The following DIAPH3 variants were observed in gnomAD, a reference collection of about 807,000 sequenced individuals.
The protein encoded by DIAPH3 is protein diaphanous homolog 3.
Under a neutral mutation model 144.3 loss-of-function variants are expected in DIAPH3, and 117 were observed. The ratio of observed to expected loss-of-function variants is 0.81; its 90% CI spans 0.70 to 0.95. DIAPH3 has a LOEUF of 0.95. DIAPH3 is among the 40% of genes least tolerant of loss of function. The pLI, the probability that DIAPH3 is intolerant of heterozygous loss-of-function variation, is 0.00. For synonymous variants in DIAPH3, 519 were observed against 488.9 expected (o/e 1.06, Z -0.81); for missense variants, 1,421 against 1,412.7 (o/e 1.01, Z -0.09).
At chr13:60,107,627 C>T (rs553017961) in intron 3 of DIAPH3, among the ~76,000 whole-genome samples, 22 of 152,274 alleles carry the variant, frequency 1.4e-4, no homozygotes, top group Non-Finnish European at 2.2e-4. Flanking sequence ...CCAGGACATA[C>T]TTCAAACATA....
intron 24 of DIAPH3, among the ~76,000 whole-genome samples, chr13:59,816,056 TGAGA>T (rs1452488510): frequency 1.3e-5 from 2 of 152,138 alleles, no homozygotes; most frequent in African/African-American, 2.4e-5. Context: ...CTGACTTGAC[TGAGA>T]GAAATTTCAC....
At chr13:60,066,873 T>C (rs2056988791) in intron 4 of DIAPH3, among the ~76,000 whole-genome samples, 1 of 152,240 alleles carries the variant, frequency 6.6e-6, no homozygotes, top group South Asian at 2.1e-4. Flanking sequence ...TATCTCAATA[T>C]CATCAAGTTA....
chr13:60,000,557 GT>G (rs1377306610), intron 9 of DIAPH3, among the ~76,000 whole-genome samples: 1 of 151,906 alleles, frequency 6.6e-6, no homozygotes, highest in Non-Finnish European at 1.5e-5. Context: ...CCAGCTATTG[GT>G]ATTATATCTA....
chr13:59,951,801 A>G (rs1385786552), intron 17 of DIAPH3, among the ~76,000 whole-genome samples: 1 of 152,188 alleles, frequency 6.6e-6, no homozygotes, highest in Non-Finnish European at 1.5e-5. Flanking sequence ...TACAACTCTT[A>G]TACATTGCTA....
At chr13:59,887,772 C>T (rs1229037628) in intron 20 of DIAPH3, among the ~76,000 whole-genome samples, 1 of 151,844 alleles carries the variant, frequency 6.6e-6, no homozygotes, top group African/African-American at 2.4e-5. Context: ...TTTTTGTACA[C>T]TTTTTCTAGA....
intron 5 of DIAPH3, among the ~76,000 whole-genome samples, chr13:60,025,065 C>T (rs994557030): frequency 1.3e-5 from 2 of 152,056 alleles, no homozygotes; most frequent in Non-Finnish European, 1.5e-5. Flanking sequence ...CCAGGCTACC[C>T]ACTTTGCTTT....
intron 24 of DIAPH3, 108 bp downstream of exon 24, chr13:59,832,999 A>G (rs988229520): frequency 1.1e-6 from 1 of 878,202 alleles, no homozygotes; most frequent in Non-Finnish European, 1.8e-6. Context: ...TTTCAAAATC[A>G]GAAAAGATAG....
intron 27 of DIAPH3, among the ~76,000 whole-genome samples, chr13:59,721,484 G>GT (rs1407105353): frequency 7.9e-5 from 12 of 151,850 alleles, no homozygotes; most frequent in Admixed American, 3.9e-4. Context: ...GTTAACTCAT[G>GT]TTTTTTTTAA....
At chr13:59,925,888 T>C in intron 17 of DIAPH3, among the ~76,000 whole-genome samples, 1 of 152,286 alleles carries the variant, frequency 6.6e-6, no homozygotes, top group African/African-American at 2.4e-5. Context: ...CTTTTTTGAT[T>C]TTGATTTTAT....
At chr13:60,160,294 A>C (rs1224778837) in intron 1 of DIAPH3, among the ~76,000 whole-genome samples, 1 of 152,214 alleles carries the variant, frequency 6.6e-6, no homozygotes, top group Non-Finnish European at 1.5e-5. Context: ...ATAATCAATC[A>C]ATAATTAACA....
chr13:60,074,157 G>A (rs758334934), intron 4 of DIAPH3, among the ~76,000 whole-genome samples: 4 of 152,170 alleles, frequency 2.6e-5, no homozygotes, highest in African/African-American at 7.2e-5. Context: ...ATAAGTCAGA[G>A]TACTGCATTT....
intron 20 of DIAPH3, among the ~76,000 whole-genome samples, chr13:59,881,015 A>G (rs904439521): frequency 6.6e-6 from 1 of 150,968 alleles, no homozygotes; most frequent in Admixed American, 6.6e-5. Context: ...AAGAAATATC[A>G]TTAAGTTTAT....
chr13:59,848,266 G>A (rs942103670), intron 22 of DIAPH3, among the ~76,000 whole-genome samples: 7 of 146,506 alleles, frequency 4.8e-5, no homozygotes, highest in African/African-American at 7.5e-5. Context: ...AAAACCTTCC[G>A]TGGCTTTTGA....
At chr13:59,875,710 T>C (rs1299396205) in intron 21 of DIAPH3, among the ~76,000 whole-genome samples, 2 of 152,198 alleles carry the variant, frequency 1.3e-5, no homozygotes, top group Non-Finnish European at 2.9e-5. Context: ...AGCACCTATA[T>C]AGCAACTTTA....
chr13:60,073,855 C>T (rs1453710606), intron 4 of DIAPH3, among the ~76,000 whole-genome samples: 1 of 152,174 alleles, frequency 6.6e-6, no homozygotes, highest in Non-Finnish European at 1.5e-5. Context: ...AAACAGCATG[C>T]TATTAGCTCT....
chr13:59,737,511 C>G (rs1294829294), intron 27 of DIAPH3, among the ~76,000 whole-genome samples: 1 of 151,934 alleles, frequency 6.6e-6, no homozygotes, highest in African/African-American at 2.4e-5. Context: ...AGCATAAAAC[C>G]AGGGAAGTTT....
At chr13:60,008,723 T>C in intron 8 of DIAPH3, 74 bp from the exon 9 acceptor site, 1 of 955,678 alleles carries the variant, frequency 1.0e-6, no homozygotes, top group South Asian at 1.3e-5. Flanking sequence ...TTTATCCTAC[T>C]AAAGAAGTCA....
chr13:59,727,788 C>T (rs934423965), intron 27 of DIAPH3, among the ~76,000 whole-genome samples: 2 of 152,076 alleles, frequency 1.3e-5, no homozygotes, highest in Non-Finnish European at 2.9e-5. Context: ...ATTAAAAAGG[C>T]CTGGCTGCGG....
intron 27 of DIAPH3, among the ~76,000 whole-genome samples, chr13:59,743,326 C>A (rs1424522573): frequency 2.0e-5 from 3 of 152,048 alleles, no homozygotes; most frequent in Non-Finnish European, 2.9e-5. Flanking sequence ...ACTTGAGCAA[C>A]CTTAAGGAGA....
Sources: gnomAD v4.1 joint callset for allele counts (sites outside exome capture counted in the v4.1 genomes callset) on GRCh38, gnomAD v4.1.1 for gene constraint, MANE v1.5 for transcripts, NCBI Gene and HGNC (gene_info 2026-07-23, HGNC 2026-07-21) for gene names.